IFIT3: variants seen among roughly 807,000 people sequenced by gnomAD.
IFIT3 encodes interferon-induced protein with tetratricopeptide repeats 3.
A neutral mutation model predicts 2.4 loss-of-function variants in IFIT3; 2 were observed. The observed-to-expected ratio is 0.82, with a 90% CI of 0.34 to 2.60. The LOEUF (loss-of-function observed/expected upper bound fraction) is 2.60, where lower values mean the gene tolerates loss of function less well. Among genes scored for constraint, IFIT3 ranks in the 30% most tolerant of loss-of-function variants. IFIT3 has a pLI of 0.11. For missense variants in IFIT3, 481 were observed against 562.4 expected (o/e 0.86, Z 1.46); for synonymous variants, 203 against 212.1 (o/e 0.96, Z 0.37).
chr10:89,332,625 G>A, intron 1 of IFIT3: 1 of 1,614,058 alleles, frequency 6.2e-7, no homozygotes, highest in Non-Finnish European at 8.5e-7. Flanking sequence ...CAGCCATCAT[G>A]AGGTAAATAG....
At chr10:89,332,398 T>G in intron 1 of IFIT3, 1 of 1,080,384 alleles carries the variant, frequency 9.3e-7, no homozygotes, top group Non-Finnish European at 1.3e-6. Context: ...CTGGAACATG[T>G]TCCTGGCGTG....
intron 1 of IFIT3, among the ~76,000 whole-genome samples, chr10:89,328,840 G>A (rs771412327): frequency 7.9e-4 from 120 of 152,296 alleles, no homozygotes; most frequent in Middle Eastern, 3.4e-3. Context: ...TGGTTGCCTG[G>A]AGATGGTGGG....
rs375760147 is a variant in IFIT3, at chr10:89,339,987, C to T, written c.1332C>T (p.Arg444=). 6.8e-6 allele frequency: 11 copies of T among 1,614,232 alleles called. No individual in the cohort carries two copies. The highest frequency in any genetic ancestry group is 2.7e-5 in the African/African-American group (2 of 75,074). Residue 444 remains arginine (R), a synonymous_variant, in exon 2 of 2, where the codon CGC becomes CGT. Transcript: ENST00000371818. The part of the protein sequence containing the change: ...AAKCYEKELG[R]LLRDAPSGIG... The stretch of plus-strand genomic sequence containing the variant: ...AATGTTATGAGAAGGAACTGGGCCG[C>T]CTGCTAAGGGATGCCCCTTCAGGCA...
At chr10:89,336,186 G>A (rs1843736746) in intron 1 of IFIT3, among the ~76,000 whole-genome samples, 3 of 151,258 alleles carry the variant, frequency 2.0e-5, no homozygotes, top group Admixed American at 6.6e-5. Flanking sequence ...AGGAAGGAAG[G>A]AAGGGAGGAA....
intron 1 of IFIT3, among the ~76,000 whole-genome samples, chr10:89,328,929 A>G (rs917544295): frequency 6.6e-6 from 1 of 152,248 alleles, no homozygotes; most frequent in Non-Finnish European, 1.5e-5. Flanking sequence ...TGGTGGCTAC[A>G]TATGCATAAA....
In IFIT3 at chr10:89,328,061, A is replaced by G. The variant is rs1843615905; in HGVS notation, c.-13A>G. On this transcript the variant is annotated 5_prime_UTR_variant, in exon 1 of 2. Coordinates refer to ENST00000371818, the MANE Select transcript of IFIT3 (RefSeq NM_001549.6). ...ACCAGCTTTTCGGAACAGCAGAGAC[A>G]CAGAGGGCAGTCATGAGGTCAGTGA... 6.2e-7 allele frequency: 1 copy of G among 1,614,024 alleles called. No homozygotes were observed. Among genetic ancestry groups the G allele is most frequent in the Middle Eastern group, 1.7e-4 (1 of 6,058 alleles).
At chr10:89,331,746 T>C (rs6586183) in intron 1 of IFIT3, among the ~76,000 whole-genome samples, 37,553 of 149,896 alleles carry the variant, frequency 0.25, 4,944 homozygotes, top group African/African-American at 0.32. Flanking sequence ...ATAGTCTCAT[T>C]GACTGGAGAG....
rs1843838428 is a variant in IFIT3 at position 89,340,104 on chromosome 10, C to T, written c.1449C>T (p.Leu483=). 1 of 1,602,488 alleles carries T rather than the reference C, an allele frequency of 6.2e-7. No individual in the cohort carries two copies. Among genetic ancestry groups the T allele is most frequent in the South Asian group, 1.1e-5 (1 of 90,092 alleles). The part of the protein sequence containing the change: ...GAVSSSPREL[L]SNSEQLN ...TCAGCTCCAGTCCCAGAGAGCTCCT[C>T]TCTAACTCAGAGCAACTGAACTGAG... is the stretch of plus-strand genomic sequence containing the variant. The change falls in exon 2 of 2, where the codon CTC becomes CTT. Residue 483 remains leucine, a synonymous_variant. Transcript: ENST00000371818.
intron 1 of IFIT3, among the ~76,000 whole-genome samples, chr10:89,336,172 GGGAAGGAA>G (rs1180450072): frequency 6.0e-5 from 9 of 150,112 alleles, no homozygotes; most frequent in Admixed American, 6.0e-4. Context: ...GAGGGAGGGA[GGGAAGGAA>G]GGAAGGAAGG....
chr10:89,330,011 G>A (rs918226145), intron 1 of IFIT3, among the ~76,000 whole-genome samples: 9 of 152,208 alleles, frequency 5.9e-5, no homozygotes, highest in African/African-American at 2.2e-4. Context: ...GCCAGGATGA[G>A]CCAGGAGAAG....
intron 1 of IFIT3, 52 bp from the exon 2 acceptor site, chr10:89,338,609 G>A: frequency 6.6e-7 from 1 of 1,522,168 alleles, no homozygotes; most frequent in Non-Finnish European, 8.9e-7. Flanking sequence ...TGATCACAGG[G>A]TGCAGTGCTT....
At chr10:89,334,975 T>C (rs1395677531) in intron 1 of IFIT3, among the ~76,000 whole-genome samples, 1 of 152,210 alleles carries the variant, frequency 6.6e-6, no homozygotes, top group East Asian at 1.9e-4. Context: ...TTGGAGTATT[T>C]GTTTTAAGAG....
intron 1 of IFIT3, among the ~76,000 whole-genome samples, chr10:89,334,478 C>CTTTTTTTTTTTTTTTTTTT (rs578154457): frequency 4.3e-4 from 11 of 25,338 alleles, no homozygotes; most frequent in East Asian, 1.1e-3. Flanking sequence ...TTCTTTTATT[C>CTTTTTTTTTTTTTTTTTTT]TTTTTTTTTT....
chr10:89,334,459 T>C (rs1303552834), intron 1 of IFIT3, among the ~76,000 whole-genome samples: 1 of 149,744 alleles, frequency 6.7e-6, no homozygotes, highest in South Asian at 2.1e-4. Flanking sequence ...ATTCTGTTTT[T>C]TCTTCTTTTT....
Position 89,339,335 on chromosome 10 carries a change from A to G in IFIT3, c.680A>G (p.Glu227Gly), listed in dbSNP as rs1843808727. The change falls in exon 2 of 2, where the codon GAG (glutamate) becomes GGG (glycine). Residue 227 changes from glutamate (E) to glycine (G), a missense_variant. Glu to Gly is a moderately conservative substitution (Grantham distance 98). Transcript: ENST00000371818. ...AAGATGAATAAAGAAGCTGAAGGAG[A>G]GCAGTTTGTTGAAGAAGCCTTGGAA... is the stretch of plus-strand genomic sequence containing the variant. ...LQKMNKEAEG[E>G]QFVEEALEKS... 6.2e-7 allele frequency: 1 copy of G among 1,613,658 alleles called. No homozygotes were observed. The highest frequency in any genetic ancestry group is 1.3e-5 in the African/African-American group (1 of 74,874).
chr10:89,339,764 A>C lies in IFIT3; in HGVS notation c.1109A>C (p.Tyr370Ser). ...SHQRYCNLQK[Y>S]NGKSEDTAVQ... is the part of the protein sequence containing the mutation. ...CAGCGCTACTGCAACCTTCAGAAAT[A>C]TAATGGGAAGTCTGAAGACACTGCT... is the stretch of plus-strand genomic sequence containing the variant. Residue 370 changes from tyrosine (Y) to serine (S), a missense_variant, in exon 2 of 2, where the codon TAT becomes TCT. Physicochemically the swap from Tyr to Ser is moderately radical, Grantham distance 144. Transcript: ENST00000371818. 1 of 1,614,198 alleles carries C rather than the reference A, an allele frequency of 6.2e-7. No homozygotes were observed. The highest frequency in any genetic ancestry group is 8.5e-7 in the Non-Finnish European group (1 of 1,180,018).
At chr10:89,330,952 T>C (rs7897873) in intron 1 of IFIT3, among the ~76,000 whole-genome samples, 37,934 of 152,096 alleles carry the variant, frequency 0.25, 5,045 homozygotes, top group African/African-American at 0.32. Context: ...GGAGTAGGAC[T>C]GCATAGTCAG....
rs541791513 is a variant in IFIT3, at chr10:89,340,367, G to C, written c.*239G>C. 92 of 332,302 alleles carry C rather than the reference G, an allele frequency of 2.8e-4. No individual in the cohort carries two copies. The highest frequency in any genetic ancestry group is 1.8e-3 in the African/African-American group (86 of 47,936). The allele number at this position is 332,302 out of a possible 1,614,324, so 20.6% of individuals were successfully genotyped here. On this transcript the variant is annotated 3_prime_UTR_variant, in exon 2 of 2. Transcript: ENST00000371818. ...AGGTCTGGAGTTTGAGACCATCCTG[G>C]CTAACACAGTGAAATCCCGTCTCTA...
intron 1 of IFIT3, among the ~76,000 whole-genome samples, chr10:89,336,176 A>G (rs577328188): frequency 1.8e-4 from 27 of 148,608 alleles, no homozygotes; most frequent in African/African-American, 6.4e-4. Flanking sequence ...GAGGGAGGGA[A>G]GGAAGGAAGG....
Sources: allele counts gnomAD v4.1 joint callset (sites outside exome capture counted in the v4.1 genomes callset), GRCh38; gene constraint gnomAD v4.1.1; transcripts MANE v1.5; gene names NCBI Gene and HGNC (gene_info 2026-07-23, HGNC 2026-07-21).